FMN1: variants seen among roughly 807,000 people sequenced by gnomAD.
FMN1 encodes formin-1.
In FMN1, 110 loss-of-function variants were observed where a neutral mutation model predicts 132.4. That is an observed-to-expected ratio of 0.83 (90% CI 0.71 to 0.97). FMN1 has a LOEUF of 0.97. Ranked by LOEUF, FMN1 falls within the 50% of genes least tolerant of loss-of-function variation. FMN1 has a pLI of 0.00. For missense variants in FMN1, 1,792 were observed against 1,705.3 expected (o/e 1.05, Z -0.90); for synonymous variants, 722 against 651.7 (o/e 1.11, Z -1.64).
chr15:33,093,148 C>A (rs2038961226), intron 4 of FMN1, among the ~76,000 whole-genome samples: 1 of 152,296 alleles, frequency 6.6e-6, no homozygotes, highest in East Asian at 1.9e-4. Context: ...TCATACCAAG[C>A]CCTCACTTGA....
At chr15:33,032,498 T>TC (rs1451221700) in intron 6 of FMN1, among the ~76,000 whole-genome samples, 1 of 152,244 alleles carries the variant, frequency 6.6e-6, no homozygotes, top group Non-Finnish European at 1.5e-5. Flanking sequence ...TTCTAATTTT[T>TC]CTACAGAAAA....
At chr15:33,036,881 A>AT (rs1198121243) in intron 6 of FMN1, among the ~76,000 whole-genome samples, 1 of 152,242 alleles carries the variant, frequency 6.6e-6, no homozygotes, top group Non-Finnish European at 1.5e-5. Flanking sequence ...AGTGCCTAGT[A>AT]TCCTTTCTCT....
At chr15:33,068,114 T>A in intron 5 of FMN1, 1 of 1,141,226 alleles carries the variant, frequency 8.8e-7, no homozygotes, top group East Asian at 3.0e-5. Context: ...GTGGAGTCTA[T>A]GCCCAGAAGC....
chr15:32,829,327 A>G (rs1216225155), intron 17 of FMN1, among the ~76,000 whole-genome samples: 1 of 152,264 alleles, frequency 6.6e-6, no homozygotes, highest in East Asian at 1.9e-4. Flanking sequence ...TGTCAACCTT[A>G]CAGCTCTTTA....
At chr15:32,825,244 A>ATT (rs1567228154) in intron 17 of FMN1, among the ~76,000 whole-genome samples, 16 of 152,354 alleles carry the variant, frequency 1.1e-4, no homozygotes, top group Admixed American at 7.8e-4. Flanking sequence ...TTAAAACATG[A>ATT]ATGTAGTCAG....
intron 2 of FMN1, among the ~76,000 whole-genome samples, chr15:33,189,757 A>G (rs1323498478): frequency 6.6e-6 from 1 of 152,236 alleles, no homozygotes; most frequent in Non-Finnish European, 1.5e-5. Context: ...AGGAACCAGC[A>G]GATTACATAA....
chr15:33,011,551 T>C (rs2034723391), intron 6 of FMN1, among the ~76,000 whole-genome samples: 1 of 152,062 alleles, frequency 6.6e-6, no homozygotes, highest in Non-Finnish European at 1.5e-5. Flanking sequence ...CAAAGCAATA[T>C]ATATAGAGGA....
intron 9 of FMN1, among the ~76,000 whole-genome samples, chr15:32,934,981 G>C (rs1257176602): frequency 6.6e-6 from 1 of 151,398 alleles, no homozygotes; most frequent in Non-Finnish European, 1.5e-5. Context: ...GAGTGCAATG[G>C]CATGATCTCC....
intron 7 of FMN1, among the ~76,000 whole-genome samples, chr15:32,984,365 C>T (rs185278770): frequency 1.3e-5 from 2 of 152,154 alleles, no homozygotes; most frequent in East Asian, 1.9e-4. Context: ...GCAATTAGCA[C>T]AGTTTCCTCC....
intron 12 of FMN1, among the ~76,000 whole-genome samples, chr15:32,907,968 T>C (rs970139629): frequency 4.6e-5 from 7 of 151,808 alleles, no homozygotes; most frequent in Admixed American, 2.6e-4. Context: ...CAAGCAGCCA[T>C]AGATAGTGAC....
At chr15:32,965,032 C>A (rs747421540) in intron 8 of FMN1, among the ~76,000 whole-genome samples, 2 of 152,184 alleles carry the variant, frequency 1.3e-5, no homozygotes, top group African/African-American at 2.4e-5. Flanking sequence ...CTCCAGTGGT[C>A]ACTCCTCAGG....
intron 17 of FMN1, among the ~76,000 whole-genome samples, chr15:32,817,795 G>A (rs1257523417): frequency 2.6e-5 from 4 of 152,180 alleles, no homozygotes; most frequent in Non-Finnish European, 4.4e-5. Context: ...ATTCCAGGTG[G>A]AATCCTCCAG....
chr15:33,009,100 C>G (rs928113767), intron 6 of FMN1, among the ~76,000 whole-genome samples: 1 of 152,204 alleles, frequency 6.6e-6, no homozygotes, highest in Non-Finnish European at 1.5e-5. Flanking sequence ...AGATAGACCT[C>G]TACTGTTGTG....
intron 9 of FMN1, among the ~76,000 whole-genome samples, chr15:32,926,881 T>TA (rs1376116574): frequency 1.3e-5 from 2 of 151,990 alleles, no homozygotes; most frequent in Non-Finnish European, 1.5e-5. Context: ...ACCTCCTGGG[T>TA]TTAAGTGATT....
intron 9 of FMN1, among the ~76,000 whole-genome samples, chr15:32,936,265 C>T (rs1437478529): frequency 6.7e-6 from 1 of 149,684 alleles, no homozygotes; most frequent in African/African-American, 2.4e-5. Context: ...CCATGCTCCC[C>T]TGTTTCTTTG....
chr15:33,181,080 T>A (rs773281474), intron 2 of FMN1, among the ~76,000 whole-genome samples: 1 of 152,146 alleles, frequency 6.6e-6, no homozygotes, highest in Non-Finnish European at 1.5e-5. Flanking sequence ...ATTTTAGCCC[T>A]TATCATGGCC....
intron 6 of FMN1, among the ~76,000 whole-genome samples, chr15:33,027,419 C>A (rs1048448894): frequency 3.9e-5 from 6 of 152,112 alleles, no homozygotes; most frequent in Middle Eastern, 3.2e-3. Flanking sequence ...TTTTATCTGG[C>A]AACTCTAGGA....
chr15:32,829,597 T>A (rs929275075), intron 17 of FMN1, among the ~76,000 whole-genome samples: 2 of 152,206 alleles, frequency 1.3e-5, no homozygotes, highest in Non-Finnish European at 2.9e-5. Flanking sequence ...GTGCCTATAT[T>A]GCATGAGCTG....
chr15:32,915,841 C>T (rs534472520), intron 10 of FMN1, among the ~76,000 whole-genome samples: 5 of 152,244 alleles, frequency 3.3e-5, no homozygotes, highest in Admixed American at 3.3e-4. Context: ...ACTGTCAGTT[C>T]GGTTAGAATA....
Sources: allele counts gnomAD v4.1 joint callset (sites outside exome capture counted in the v4.1 genomes callset), GRCh38; gene constraint gnomAD v4.1.1; transcripts MANE v1.5; gene names NCBI Gene and HGNC (gene_info 2026-07-23, HGNC 2026-07-21).